Variants in IQCJ observed in about 807,000 individuals in gnomAD.
The protein encoded by IQCJ is IQ domain-containing protein J.
In IQCJ, 9 loss-of-function variants were observed where a neutral mutation model predicts 11.0. The observed-to-expected ratio is 0.82, with a 90% CI of 0.49 to 1.43. IQCJ has a LOEUF of 1.43. Ranked by LOEUF, IQCJ falls within the 40% of genes most tolerant of loss-of-function variation. The pLI, the probability that IQCJ is intolerant of heterozygous loss-of-function variation, is 0.00. For missense variants in IQCJ, 146 were observed against 133.2 expected, an observed-to-expected ratio of 1.10 and a Z score of -0.47; for synonymous variants, 55 against 51.3, an observed-to-expected ratio of 1.07 and a Z score of -0.31.
intron 1 of IQCJ, among the ~76,000 whole-genome samples, chr3:159,147,017 A>G (rs555833302): frequency 1.3e-5 from 2 of 152,390 alleles, no homozygotes; most frequent in African/African-American, 2.4e-5. Context: ...TTCAGCATCT[A>G]TGAATTAAGT....
intron 1 of IQCJ, among the ~76,000 whole-genome samples, chr3:159,163,613 C>T (rs1300661909): frequency 1.3e-5 from 2 of 152,318 alleles, no homozygotes; most frequent in East Asian, 1.9e-4. Context: ...AAGCCTCCCA[C>T]CTAGGCCTCC....
At chr3:159,159,473 C>T (rs1408351103) in intron 1 of IQCJ, among the ~76,000 whole-genome samples, 3 of 152,114 alleles carry the variant, frequency 2.0e-5, no homozygotes, top group African/African-American at 4.8e-5. Context: ...TTTTAAAAAT[C>T]GTCAATACAG....
chr3:159,253,610 A>AACACACAC (rs5853857), intron 3 of IQCJ, among the ~76,000 whole-genome samples: 7 of 149,768 alleles, frequency 4.7e-5, no homozygotes, highest in African/African-American at 1.7e-4. Context: ...CTCCCTCACA[A>AACACACAC]ACACACACAC....
intron 1 of IQCJ, among the ~76,000 whole-genome samples, chr3:159,104,700 G>A (rs1718140686): frequency 6.6e-6 from 1 of 152,188 alleles, no homozygotes; most frequent in South Asian, 2.1e-4. Context: ...CTCTAAAGAA[G>A]TAGAAGATCT....
chr3:159,074,197 G>T (rs1486515943), intron 1 of IQCJ, among the ~76,000 whole-genome samples: 3 of 152,086 alleles, frequency 2.0e-5, no homozygotes, highest in African/African-American at 7.2e-5. Context: ...GCTGTGATGT[G>T]GAGGCTCCAC....
chr3:159,218,408 C>T (rs905206074), intron 1 of IQCJ, among the ~76,000 whole-genome samples: 1 of 151,418 alleles, frequency 6.6e-6, no homozygotes, highest in Non-Finnish European at 1.5e-5. Context: ...TTCAAACATA[C>T]AGATAGATGC....
At chr3:159,109,999 A>G (rs535717136) in intron 1 of IQCJ, among the ~76,000 whole-genome samples, 1 of 152,268 alleles carries the variant, frequency 6.6e-6, no homozygotes, top group East Asian at 1.9e-4. Flanking sequence ...CACACAGATC[A>G]GTGTTGATAA....
At chr3:159,136,815 A>T (rs1419674949) in intron 1 of IQCJ, among the ~76,000 whole-genome samples, 1 of 152,258 alleles carries the variant, frequency 6.6e-6, no homozygotes, top group African/African-American at 2.4e-5. Flanking sequence ...AGACACAAAC[A>T]TTCAGACTAT....
At chr3:159,182,122 T>C (rs1723123558) in intron 1 of IQCJ, among the ~76,000 whole-genome samples, 1 of 151,872 alleles carries the variant, frequency 6.6e-6, no homozygotes, top group South Asian at 2.1e-4. Context: ...TCAGTTTCCT[T>C]GCTGTTTTTT....
intron 1 of IQCJ, among the ~76,000 whole-genome samples, chr3:159,175,572 C>G (rs1396242430): frequency 6.6e-6 from 1 of 152,184 alleles, no homozygotes; most frequent in African/African-American, 2.4e-5. Flanking sequence ...TGGACCCTAG[C>G]AACCACTGGT....
chr3:159,233,223 A>C (rs1309423089), intron 1 of IQCJ, among the ~76,000 whole-genome samples: 1 of 152,118 alleles, frequency 6.6e-6, no homozygotes, highest in Non-Finnish European at 1.5e-5. Flanking sequence ...GGATGGAAAG[A>C]GAGGGCATGT....
intron 1 of IQCJ, among the ~76,000 whole-genome samples, chr3:159,147,436 CAG>C (rs1456535291): frequency 6.6e-6 from 1 of 152,216 alleles, no homozygotes; most frequent in Non-Finnish European, 1.5e-5. Flanking sequence ...CAGATTAAGA[CAG>C]AAGATATGAG....
chr3:159,178,667 GGTTA>G (rs1427443267), intron 1 of IQCJ, among the ~76,000 whole-genome samples: 1 of 152,122 alleles, frequency 6.6e-6, no homozygotes, highest in Non-Finnish European at 1.5e-5. Context: ...GAAGTGGGCT[GGTTA>G]GTTAGCCAGG....
chr3:159,172,791 G>T (rs1722559457), intron 1 of IQCJ, among the ~76,000 whole-genome samples: 1 of 151,694 alleles, frequency 6.6e-6, no homozygotes, highest in Non-Finnish European at 1.5e-5. Context: ...GGGTGGGGGA[G>T]ATGTTGATTT....
chr3:159,245,684 G>A (rs1040035949), intron 1 of IQCJ, among the ~76,000 whole-genome samples, 159 bp from the exon 2 acceptor site: 13 of 151,968 alleles, frequency 8.6e-5, no homozygotes, highest in Admixed American at 4.6e-4. Context: ...GGATGGTCTC[G>A]ATCTCCTGAC....
intron 1 of IQCJ, among the ~76,000 whole-genome samples, chr3:159,190,503 G>A (rs1271360771): frequency 6.6e-6 from 1 of 152,218 alleles, no homozygotes; most frequent in Non-Finnish European, 1.5e-5. Context: ...TGAATCATAA[G>A]TAGGAAGGAC....
intron 1 of IQCJ, among the ~76,000 whole-genome samples, chr3:159,090,735 C>G (rs763071034): frequency 6.6e-6 from 1 of 151,836 alleles, no homozygotes; most frequent in Non-Finnish European, 1.5e-5. Flanking sequence ...GACAGCCAGG[C>G]CTCTCCCTTG....
chr3:159,202,984 G>A (rs532526179), intron 1 of IQCJ, among the ~76,000 whole-genome samples: 1 of 152,036 alleles, frequency 6.6e-6, no homozygotes, highest in African/African-American at 2.4e-5. Flanking sequence ...TTTTGATAAG[G>A]TACAATGGGT....
chr3:159,087,222 A>G (rs1356789431), intron 1 of IQCJ, among the ~76,000 whole-genome samples: 7 of 151,982 alleles, frequency 4.6e-5, no homozygotes, highest in Non-Finnish European at 1.0e-4. Flanking sequence ...GATTACATTT[A>G]TTGATTTGCA....
Sources: gnomAD v4.1 joint callset for allele counts (sites outside exome capture counted in the v4.1 genomes callset) on GRCh38, gnomAD v4.1.1 for gene constraint, MANE v1.5 for transcripts, NCBI Gene and HGNC (gene_info 2026-07-23, HGNC 2026-07-21) for gene names.